Variants in CCDC191 observed in about 807,000 individuals in gnomAD.
CCDC191 encodes coiled-coil domain containing 191, also known as coiled-coil domain-containing protein 191.
A neutral mutation model predicts 114.0 loss-of-function variants in CCDC191; 99 were observed. That is an observed-to-expected ratio of 0.87 (90% CI 0.74 to 1.03). The LOEUF (loss-of-function observed/expected upper bound fraction) is 1.03. Ranked by LOEUF, CCDC191 falls within the 50% of genes least tolerant of loss-of-function variation. The probability of loss-of-function intolerance (pLI) is 0.00; values close to 1 mark genes in which losing one functional copy is unlikely to be tolerated. For synonymous variants in CCDC191, 351 were observed against 376.0 expected, an observed-to-expected ratio of 0.93 and a Z score of 0.77; for missense variants, 973 against 1,087.0, an observed-to-expected ratio of 0.90 and a Z score of 1.47.
chr3:114,018,720 C>G lies in CCDC191; in HGVS notation c.1121G>C (p.Arg374Pro), dbSNP rs76418892. 1 of 1,612,644 alleles carries G rather than the reference C, an allele frequency of 6.2e-7. No individual in the cohort carries two copies. The highest frequency in any genetic ancestry group is 1.3e-5 in the African/African-American group (1 of 74,844). The change falls in exon 8 of 17, where the codon CGG (arginine) becomes CCG (proline). Residue 374 changes from arginine (R) to proline (P), a missense_variant. Transcript: ENST00000295878. ...RDYTRFQKLE[R>P]ETQALENDLR... ...ATCATTTTCCAAGGCTTGAGTCTCCCGCTCCAACTTCTGGAATCTTGTGTA... is the reference window on the plus strand; with the variant it reads ...ATCATTTTCCAAGGCTTGAGTCTCCGGCTCCAACTTCTGGAATCTTGTGTA...
intron 7 of CCDC191, among the ~76,000 whole-genome samples, chr3:114,021,743 G>A (rs1222246231): frequency 6.6e-6 from 1 of 151,800 alleles, no homozygotes; most frequent in Non-Finnish European, 1.5e-5. Flanking sequence ...CTATACTTTG[G>A]AACTACAATA....
Position 114,004,674 on chromosome 3 carries a change from T to C in CCDC191, c.1941A>G (p.Lys647=). The change falls in exon 11 of 17, where the codon AAA becomes AAG. Residue 647 remains lysine (K), a synonymous_variant. Coordinates refer to ENST00000295878, the MANE Select transcript of CCDC191 (RefSeq NM_020817.2). ...GATGCGGTGTCATCAATTGCTTTGG[T>C]TTCCTTCTGAGTCCAGAAAGAGAAT... The part of the protein sequence containing the change: ...SRNSLSGLRR[K]PKQLMTPHPI... The C allele has an allele frequency of 2.5e-6, 4 of 1,611,742 alleles. No individual in the cohort carries two copies. Among genetic ancestry groups the C allele is most frequent in the Non-Finnish European group, 3.4e-6 (4 of 1,179,190 alleles).
At chr3:113,980,235 C>G (rs2075096359) in intron 14 of CCDC191, among the ~76,000 whole-genome samples, 1 of 152,168 alleles carries the variant, frequency 6.6e-6, no homozygotes. Flanking sequence ...TGAACTCAAT[C>G]CACAACTGGC....
intron 9 of CCDC191, among the ~76,000 whole-genome samples, chr3:114,009,542 T>G (rs915941707): frequency 7.9e-5 from 12 of 152,150 alleles, no homozygotes; most frequent in African/African-American, 2.9e-4. Flanking sequence ...AAGAAGTCAC[T>G]AAGCAAGAGG....
In CCDC191 at chr3:113,980,679, ATC is replaced by A. The variant is rs2075117094; in HGVS notation, c.2276_2277del (p.Arg759IlefsTer32). 2 of 1,595,964 alleles carry A rather than the reference ATC, an allele frequency of 1.3e-6. No homozygotes were observed. Among genetic ancestry groups the A allele is most frequent in the Admixed American group, 3.6e-5 (2 of 54,860 alleles). ...ATGTTTTGTTTGCTTTGCATTCTCA[ATC>A]TCTTCCAAGGCTCTAGACCTTTTTT... ...LRKKGLEPWK[R>X]LRMQSKQNIQ... On this transcript the variant is annotated frameshift_variant, in exon 14 of 17. Coordinates refer to ENST00000295878, the MANE Select transcript of CCDC191 (RefSeq NM_020817.2). LOFTEE classifies it high-confidence loss of function.
intron 4 of CCDC191, among the ~76,000 whole-genome samples, chr3:114,040,590 T>C (rs2076547372): frequency 6.6e-6 from 1 of 152,174 alleles, no homozygotes; most frequent in Non-Finnish European, 1.5e-5. Flanking sequence ...TATTTTTATA[T>C]TAACATAGTA....
At chr3:113,975,844 G>A (rs1268366027) in intron 16 of CCDC191, among the ~76,000 whole-genome samples, 1 of 152,200 alleles carries the variant, frequency 6.6e-6, no homozygotes, top group African/African-American at 2.4e-5. Flanking sequence ...TGAAATCACA[G>A]CAATGCTTTT....
intron 13 of CCDC191, among the ~76,000 whole-genome samples, chr3:113,993,262 A>T (rs1461563397): frequency 6.6e-6 from 1 of 152,068 alleles, no homozygotes; most frequent in Non-Finnish European, 1.5e-5. Flanking sequence ...TGACACCCAG[A>T]CTCTATGATT....
At chr3:114,006,819 C>CCATAGTATAGG (rs1559903522) in intron 9 of CCDC191, among the ~76,000 whole-genome samples, 1 of 151,716 alleles carries the variant, frequency 6.6e-6, no homozygotes, top group East Asian at 1.9e-4. Flanking sequence ...TAATCATATG[C>CCATAGTATAGG]CATAGTATAG....
Position 114,010,815 on chromosome 3 carries a change from T to G in CCDC191, c.1370A>C (p.Glu457Ala), listed in dbSNP as rs760334030. 1 of 1,613,936 alleles carries G rather than the reference T, an allele frequency of 6.2e-7. No individual in the cohort carries two copies. Among genetic ancestry groups the G allele is most frequent in the Non-Finnish European group, 8.5e-7 (1 of 1,179,830 alleles). Residue 457 changes from glutamate (E) to alanine (A), a missense_variant, in exon 9 of 17, where the codon GAG becomes GCG. Glu to Ala is a moderately radical substitution (Grantham distance 107). Transcript: ENST00000295878. ...TGGACCCACCATGGCTGTTGCCTCC[T>G]CAGGTAGACTGATGCCTGATAACCC... ...ANGLSGISLP[E>A]EATAMVGPPV...
At chr3:113,968,547 CAA>C (rs1302332310) in intron 16 of CCDC191, among the ~76,000 whole-genome samples, 1 of 151,510 alleles carries the variant, frequency 6.6e-6, no homozygotes, top group African/African-American at 2.4e-5. Flanking sequence ...CTCCTGGACT[CAA>C]GAGATCCTTT....
Position 114,044,036 on chromosome 3 carries a change from A to C in CCDC191, c.272-1190T>G, listed in dbSNP as rs535718201. Among the ~76,000 whole-genome samples, 5 of 152,218 alleles carry C rather than the reference A, an allele frequency of 3.3e-5. No homozygotes were observed. The South Asian group carries it at 1.0e-3, about 32-fold the overall frequency. Reference sequence around the variant, plus strand: ...ATGTTAGGTTTGAGATGTTTAGGAGACATCCAAATAGGGATGTCAAATATG... The same window carrying C: ...ATGTTAGGTTTGAGATGTTTAGGAGCCATCCAAATAGGGATGTCAAATATG... On this transcript the variant is annotated intron_variant, in intron 3 of 16. Coordinates refer to ENST00000295878, the MANE Select transcript of CCDC191 (RefSeq NM_020817.2).
intron 11 of CCDC191, chr3:114,004,235 G>A (rs2075905513): frequency 7.1e-6 from 7 of 985,092 alleles, no homozygotes; most frequent in Admixed American, 1.2e-4. Flanking sequence ...TTGGATTACT[G>A]TAAACTGATC....
rs557048722 is a variant in CCDC191, at chr3:114,035,137, A to G, written c.606T>C (p.Asn202=). 3.1e-6 allele frequency: 5 copies of G among 1,612,034 alleles called. No individual in the cohort carries two copies. The South Asian group carries it at 5.5e-5, about 18-fold the overall frequency. Residue 202 remains asparagine (N), a synonymous_variant, in exon 6 of 17, where the codon AAT becomes AAC. Coordinates refer to ENST00000295878, the MANE Select transcript of CCDC191 (RefSeq NM_020817.2). ...CCAGTTCTTTCTCACGTCTTAAGCG[A>G]TTTTCTTTTACCTTAAAGCAAATAT... ...MEMRHKQVKE[N]RLRREKELEY...
In CCDC191 at chr3:113,965,171, C is replaced by T. The variant is rs763667765; in HGVS notation, c.2795G>A (p.Ser932Asn). 1 of 1,601,986 alleles carries T rather than the reference C, an allele frequency of 6.2e-7. No homozygotes were observed. The highest frequency in any genetic ancestry group is 8.5e-7 in the Non-Finnish European group (1 of 1,173,982). Residue 932 changes from serine (S) to asparagine (N), a missense_variant, in exon 17 of 17, where the codon AGT (serine) becomes AAT (asparagine). Ser to Asn is a conservative substitution (Grantham distance 46). Transcript: ENST00000295878. ...QSDTWSLSKTSLVNE is the reference protein window; with the variant it reads ...QSDTWSLSKTNLVNE ...TAATCTGGCTCATTCGTTCACCAGACTTGTCTTACTCAAGGACCAAGTATC... is the reference window on the plus strand; with the variant it reads ...TAATCTGGCTCATTCGTTCACCAGATTTGTCTTACTCAAGGACCAAGTATC...
chr3:114,036,725 A>G lies in CCDC191; in HGVS notation c.477T>C (p.His159=). The G allele has an allele frequency of 1.3e-6, 2 of 1,596,466 alleles. No individual in the cohort carries two copies. The highest frequency in any genetic ancestry group is 1.1e-5 in the South Asian group (1 of 88,800). The stretch of plus-strand genomic sequence containing the variant: ...AATCTACCACATTTTTATGGAGCAG[A>G]TGGTCTATAAATTTTTGAACGGTGG... ...ESTTVQKFID[H]LLHKNVVDSA... Residue 159 remains histidine (H), a synonymous_variant, in exon 5 of 17, where the codon CAT becomes CAC. Coordinates refer to ENST00000295878, the MANE Select transcript of CCDC191 (RefSeq NM_020817.2).
At chr3:114,001,255 T>C (rs1006679725) in intron 13 of CCDC191, among the ~76,000 whole-genome samples, 1 of 152,144 alleles carries the variant, frequency 6.6e-6, no homozygotes, top group Non-Finnish European at 1.5e-5. Flanking sequence ...GTTGGGGATG[T>C]AGAAATGAAT....
At chr3:114,052,306 T>A (rs1310287387) in intron 2 of CCDC191, among the ~76,000 whole-genome samples, 1 of 152,152 alleles carries the variant, frequency 6.6e-6, no homozygotes, top group Non-Finnish European at 1.5e-5. Context: ...ACGGACAATG[T>A]CACAGACAAA....
chr3:114,050,760 A>G (rs2076689502), intron 2 of CCDC191, among the ~76,000 whole-genome samples: 3 of 152,226 alleles, frequency 2.0e-5, no homozygotes, highest in Admixed American at 2.0e-4. Context: ...CTCATCTGGA[A>G]TTTATAGAGT....
Sources: allele counts gnomAD v4.1 joint callset (sites outside exome capture counted in the v4.1 genomes callset), GRCh38; gene constraint gnomAD v4.1.1; transcripts MANE v1.5; gene names NCBI Gene and HGNC (gene_info 2026-07-23, HGNC 2026-07-21).